Variants in CACNB2 observed in about 807,000 individuals in gnomAD.
CACNB2 encodes the protein voltage-dependent L-type calcium channel subunit beta-2.
In CACNB2, 42 loss-of-function variants were observed where a neutral mutation model predicts 73.3. That is an observed-to-expected ratio of 0.57 (90% CI 0.45 to 0.74). The LOEUF is 0.74. Among genes scored for constraint, CACNB2 ranks in the 30% least tolerant of loss-of-function variants. The probability of loss-of-function intolerance (pLI) is 0.00; values close to 1 mark genes in which losing one functional copy is unlikely to be tolerated. For missense variants in CACNB2, 940 were observed against 853.0 expected, an observed-to-expected ratio of 1.10 and a Z score of -1.27; for synonymous variants, 348 against 310.3, an observed-to-expected ratio of 1.12 and a Z score of -1.28.
At chr10:18,316,642 G>C (rs183005012) in intron 2 of CACNB2, among the ~76,000 whole-genome samples, 1 of 151,836 alleles carries the variant, frequency 6.6e-6, no homozygotes, top group Admixed American at 6.6e-5. Context: ...TTTTGTATTC[G>C]TTGTAGTGCC....
chr10:18,456,510 G>A (rs1589412398), intron 3 of CACNB2, among the ~76,000 whole-genome samples: 1 of 152,158 alleles, frequency 6.6e-6, no homozygotes, highest in East Asian at 1.9e-4. Flanking sequence ...CCTATCACGA[G>A]AACAGCGCCA....
chr10:18,397,334 G>A (rs1483449862), intron 2 of CACNB2, among the ~76,000 whole-genome samples: 10 of 152,068 alleles, frequency 6.6e-5, no homozygotes, highest in Non-Finnish European at 1.5e-4. Flanking sequence ...GCCTGGTGGC[G>A]CATGCCTGTA....
At chr10:18,149,697 G>T (rs917491370) in intron 1 of CACNB2, among the ~76,000 whole-genome samples, 3 of 152,164 alleles carry the variant, frequency 2.0e-5, no homozygotes, top group African/African-American at 7.2e-5. Context: ...TGAATGTGAT[G>T]ATTTTAAAAA....
chr10:18,252,011 T>C (rs1324336055), intron 2 of CACNB2, among the ~76,000 whole-genome samples: 1 of 152,184 alleles, frequency 6.6e-6, no homozygotes, highest in South Asian at 2.1e-4. Context: ...GATATGAGGA[T>C]TAAAGGAATA....
intron 3 of CACNB2, among the ~76,000 whole-genome samples, chr10:18,461,928 C>CT (rs2047603059): frequency 6.6e-6 from 1 of 152,052 alleles, no homozygotes; most frequent in African/African-American, 2.4e-5. Context: ...CATCTGCAAA[C>CT]TTTCCTGGAG....
chr10:18,437,131 A>G (rs1304469529), intron 3 of CACNB2, among the ~76,000 whole-genome samples: 2 of 152,378 alleles, frequency 1.3e-5, no homozygotes, highest in Admixed American at 6.5e-5. Flanking sequence ...ATTGGATGCT[A>G]TGGTAAACTC....
At chr10:18,227,396 AAG>A (rs1365799552) in intron 2 of CACNB2, among the ~76,000 whole-genome samples, 1 of 151,900 alleles carries the variant, frequency 6.6e-6, no homozygotes, top group African/African-American at 2.4e-5. Flanking sequence ...TATGCAGTCA[AAG>A]AGAGATAGGA....
chr10:18,413,399 G>A (rs1427422858), intron 3 of CACNB2, among the ~76,000 whole-genome samples: 1 of 152,192 alleles, frequency 6.6e-6, no homozygotes, highest in Non-Finnish European at 1.5e-5. Context: ...GGCTTCAGCC[G>A]TCACTTATAG....
chr10:18,367,934 A>G (rs1193693639), intron 2 of CACNB2, among the ~76,000 whole-genome samples: 3 of 152,196 alleles, frequency 2.0e-5, no homozygotes, highest in Non-Finnish European at 4.4e-5. Flanking sequence ...GACTGTTAAG[A>G]AACGAACCTA....
intron 3 of CACNB2, among the ~76,000 whole-genome samples, chr10:18,473,894 G>A (rs1413553055): frequency 2.0e-5 from 3 of 152,174 alleles, no homozygotes; most frequent in African/African-American, 4.8e-5. Flanking sequence ...GGATTTAAGT[G>A]CCAGACAAGG....
chr10:18,202,895 CTG>C (rs1215171377), intron 2 of CACNB2, among the ~76,000 whole-genome samples: 1 of 152,168 alleles, frequency 6.6e-6, no homozygotes, highest in Non-Finnish European at 1.5e-5. Flanking sequence ...CAGACTGACA[CTG>C]TATAATTCAG....
chr10:18,141,632 AGATGTCAGTTGTAGGC>A (rs1406543745), intron 1 of CACNB2, among the ~76,000 whole-genome samples: 32 of 152,316 alleles, frequency 2.1e-4, no homozygotes, highest in African/African-American at 7.0e-4. Context: ...GTGAAATTGG[AGATGTCAGTTGTAGGC>A]GCTGGGCAAT....
At chr10:18,411,665 T>C (rs1412729435) in intron 3 of CACNB2, among the ~76,000 whole-genome samples, 2 of 152,014 alleles carry the variant, frequency 1.3e-5, no homozygotes, top group Non-Finnish European at 1.5e-5. Flanking sequence ...CCTGCCACCA[T>C]GTGGGCTAAT....
At chr10:18,181,740 A>G (rs1363342872) in intron 2 of CACNB2, 1 of 151,178 alleles carries the variant, frequency 6.6e-6, no homozygotes, top group Non-Finnish European at 1.5e-5. Flanking sequence ...TCAGTCTCCC[A>G]TGCAGCTGTA....
chr10:18,499,896 G>A (rs1347538446), intron 4 of CACNB2, among the ~76,000 whole-genome samples: 3 of 151,950 alleles, frequency 2.0e-5, no homozygotes, highest in African/African-American at 4.8e-5. Flanking sequence ...GATTGAGCCT[G>A]GAAATTCAAG....
intron 2 of CACNB2, among the ~76,000 whole-genome samples, chr10:18,393,943 G>A (rs554867115): frequency 6.6e-6 from 1 of 152,062 alleles, no homozygotes; most frequent in African/African-American, 2.4e-5. Context: ...GATAAAATTT[G>A]AAATTTTTGT....
At chr10:18,181,141 C>G (rs1232665438) in intron 2 of CACNB2, among the ~76,000 whole-genome samples, 2 of 151,370 alleles carry the variant, frequency 1.3e-5, no homozygotes, top group African/African-American at 2.4e-5. Flanking sequence ...TGTCTCTGTC[C>G]TTGGTATCCA....
intron 2 of CACNB2, among the ~76,000 whole-genome samples, chr10:18,282,510 A>G (rs569367862): frequency 1.3e-5 from 2 of 152,344 alleles, no homozygotes; most frequent in South Asian, 2.1e-4. Context: ...CTTGGTCTCC[A>G]TTTCCCATAA....
chr10:18,286,560 A>G (rs1334030562), intron 2 of CACNB2, among the ~76,000 whole-genome samples: 1 of 144,668 alleles, frequency 6.9e-6, no homozygotes, highest in East Asian at 2.1e-4. Flanking sequence ...AAGGAACATT[A>G]CTTATGCTTG....
Sources: gnomAD v4.1 joint callset for allele counts (sites outside exome capture counted in the v4.1 genomes callset) on GRCh38, gnomAD v4.1.1 for gene constraint, MANE v1.5 for transcripts, NCBI Gene and HGNC (gene_info 2026-07-23, HGNC 2026-07-21) for gene names.